Variants in THBS2 observed in about 807,000 individuals in gnomAD.
THBS2 encodes the protein thrombospondin-2.
In THBS2, 47 loss-of-function variants were observed where a neutral mutation model predicts 135.2. The observed-to-expected ratio is 0.35, with a 90% CI of 0.28 to 0.44. The LOEUF is 0.44. Ranked by LOEUF, THBS2 falls within the 20% of genes least tolerant of loss-of-function variation. The probability of loss-of-function intolerance (pLI) is 1.00; values close to 1 mark genes in which losing one functional copy is unlikely to be tolerated. For missense variants in THBS2, 1,288 were observed against 1,603.1 expected, an observed-to-expected ratio of 0.80 and a Z score of 3.36; for synonymous variants, 639 against 633.8, an observed-to-expected ratio of 1.01 and a Z score of -0.12.
At position 169,230,118 on chromosome 6, in the gene THBS2, C is replaced by T. The variant is rs79650544; in HGVS notation, c.2152-439G>A. On this transcript the variant is annotated intron_variant, in intron 13 of 21. Coordinates refer to ENST00000617924, the MANE Select transcript of THBS2 (RefSeq NM_003247.5). The stretch of plus-strand genomic sequence containing the variant: ...GTCAAAAAATCTCAAAGAAAAGAGT[C>T]TTTCAAATATGTATGTGATATGTTC... Among the ~76,000 whole-genome samples the T allele has an allele frequency of 1.5e-3, 228 of 152,298 alleles. 6 individuals carry two copies. The East Asian group carries it at 0.041, about 27-fold the overall frequency.
In THBS2 at chr6:169,217,160, A is replaced by G. The variant is rs536590357; in HGVS notation, c.*662T>C. Reference sequence around the variant, plus strand: ...TGATGAAACTGCATCTCTACTGCACATGAGGGCTTTCATTGTAGGACAAGA... The same window carrying G: ...TGATGAAACTGCATCTCTACTGCACGTGAGGGCTTTCATTGTAGGACAAGA... On this transcript the variant is annotated 3_prime_UTR_variant, in exon 22 of 22. Coordinates refer to ENST00000617924, the MANE Select transcript of THBS2 (RefSeq NM_003247.5). 1 of 152,404 alleles carries G rather than the reference A, an allele frequency of 6.6e-6. No homozygotes were observed. Among genetic ancestry groups the G allele is most frequent in the African/African-American group, 2.4e-5 (1 of 41,590 alleles). 9.4% of individuals were successfully genotyped at this position (152,404 alleles called of 1,614,324 possible). A position where few individuals can be genotyped will look rare whatever the true frequency, so the allele number is the denominator to read the frequency against.
At position 169,241,900 on chromosome 6, in the gene THBS2, G is replaced by A. The variant is rs1271369219; in HGVS notation, c.753C>T (p.Thr251=). The change falls in exon 5 of 22, where the codon ACC becomes ACT. Residue 251 remains threonine, a synonymous_variant. Coordinates refer to ENST00000617924, the MANE Select transcript of THBS2 (RefSeq NM_003247.5). This position sits in a 1 kb window ranked among gnomAD's most constrained non-coding sequence, Gnocchi z 5.5. ...TETLRLGPHV[T]TEYVGPSSER... ...CCGAGCTGGGGCCCACGTACTCGGTGGTGACATGCGGACCCAGGCGCAGCG... is the reference window on the plus strand; with the variant it reads ...CCGAGCTGGGGCCCACGTACTCGGTAGTGACATGCGGACCCAGGCGCAGCG... 1.2e-6 allele frequency: 2 copies of A among 1,611,968 alleles called. No homozygotes were observed. The highest frequency in any genetic ancestry group is 1.7e-6 in the Non-Finnish European group (2 of 1,179,946).
intron 1 of THBS2, 54 bp from the exon 2 acceptor site, chr6:169,250,860 T>C (rs1583423682): frequency 5.3e-6 from 7 of 1,330,418 alleles, no homozygotes; most frequent in Middle Eastern, 3.7e-4. Context: ...CAACCCTGCC[T>C]GTGAGCGAGA....
intron 3 of THBS2, among the ~76,000 whole-genome samples, chr6:169,246,555 T>G (rs1447722812): frequency 1.3e-5 from 2 of 152,374 alleles, no homozygotes; most frequent in African/African-American, 4.8e-5. Flanking sequence ...GAGATGGCCC[T>G]TGGAGAGGTG....
At chr6:169,230,347 A>G (rs1583409549) in intron 13 of THBS2, among the ~76,000 whole-genome samples, 2 of 152,208 alleles carry the variant, frequency 1.3e-5, no homozygotes, top group East Asian at 3.9e-4. Flanking sequence ...CAGTTTCAGT[A>G]CAAGAGCCCC....
rs915210676 is a variant in THBS2 at position 169,241,675 on chromosome 6, C to T, written c.891+87G>A. ...ACATCGAGCATGAGGCACTGCCAAG[C>T]CAGGGAATGTTGATACCTGCTGAGA... On this transcript the variant is annotated intron_variant, in intron 5 of 21. Coordinates refer to ENST00000617924, the MANE Select transcript of THBS2 (RefSeq NM_003247.5). The surrounding 1 kb of genome is among the most constrained non-coding windows in gnomAD (Gnocchi z 5.5). 2.2e-6 allele frequency: 3 copies of T among 1,390,648 alleles called. No homozygotes were observed. The highest frequency in any genetic ancestry group is 1.4e-5 in the South Asian group (1 of 72,868). The allele number at this position is 1,390,648 out of a possible 1,614,324, so 86.1% of individuals were successfully genotyped here.
chr6:169,241,733 AC>A lies in THBS2; in HGVS notation c.891+28del, dbSNP rs1780305075. On this transcript the variant is annotated intron_variant, in intron 5 of 21. Transcript: ENST00000617924. The surrounding 1 kb of genome is among the most constrained non-coding windows in gnomAD (Gnocchi z 5.5). The stretch of plus-strand genomic sequence containing the variant: ...GCGGCGGAGCTGCCCATGCCCTATG[AC>A]CCCCGCGGCCCCTGCGTGAGTACCC... 1 of 1,569,298 alleles carries A rather than the reference AC, an allele frequency of 6.4e-7. No individual in the cohort carries two copies. Among genetic ancestry groups the A allele is most frequent in the East Asian group, 2.3e-5 (1 of 44,052 alleles).
In THBS2 at chr6:169,242,614, ACCGCTC is replaced by A. The variant is rs1780357455; in HGVS notation, c.695-662_695-657del. ...CACCTTCCCACATTCCCACCTTCCC[ACCGCTC>A]CCACCTTCCCACCACTCCCACCTTC... is the stretch of plus-strand genomic sequence containing the variant. On this transcript the variant is annotated intron_variant, in intron 4 of 21. Transcript: ENST00000617924. Among the ~76,000 whole-genome samples the A allele has an allele frequency of 3.9e-4, 12 of 30,676 alleles. 1 individual carries two copies. Among genetic ancestry groups the A allele is most frequent in the African/African-American group, 5.5e-4 (4 of 7,308 alleles). The allele number at this position is 30,676 out of a possible 152,430, so 20.1% of individuals were successfully genotyped here.
chr6:169,237,451 G>A, intron 8 of THBS2, 105 bp from the exon 9 acceptor site: 6 of 1,507,520 alleles, frequency 4.0e-6, no homozygotes, highest in Non-Finnish European at 3.6e-6. Flanking sequence ...CTGCTGAGGA[G>A]AGGGAAGGAG....
chr6:169,228,547 T>C lies in THBS2; in HGVS notation c.2260-266A>G, dbSNP rs1779720815. Among the ~76,000 whole-genome samples, 4 of 151,258 alleles carry C rather than the reference T, an allele frequency of 2.6e-5. No homozygotes were observed. In the South Asian group the frequency reaches 8.4e-4, roughly 32 times the overall value. ...CTTTAATCCCAGCACTATGGGAGGCTGAGGCGGGCGGATCACCTGAGGTCA... is the reference window on the plus strand; with the variant it reads ...CTTTAATCCCAGCACTATGGGAGGCCGAGGCGGGCGGATCACCTGAGGTCA... On this transcript the variant is annotated intron_variant, in intron 14 of 21. Coordinates refer to ENST00000617924, the MANE Select transcript of THBS2 (RefSeq NM_003247.5).
intron 3 of THBS2, among the ~76,000 whole-genome samples, chr6:169,246,983 C>T (rs898174245): frequency 3.3e-5 from 5 of 152,172 alleles, no homozygotes; most frequent in Admixed American, 3.3e-4. Context: ...TGAAACCATT[C>T]CCTCATAAAT....
intron 16 of THBS2, 45 bp from the exon 17 acceptor site, chr6:169,225,424 G>A (rs1255086326): frequency 2.0e-6 from 3 of 1,530,508 alleles, no homozygotes; most frequent in African/African-American, 2.8e-5. Flanking sequence ...CTGCCAGTTT[G>A]AGGAGGTGGA....
chr6:169,232,719 T>C lies in THBS2; in HGVS notation c.1877A>G (p.Tyr626Cys). ...GACCCCGACGGGCTGGTTCCCTCTG[T>C]ATCGGGGCGGGCAGGGCAGGCAGTG... Reference protein sequence around the residue: ...GFHCLPCPPRYRGNQPVGVGL... With the variant: ...GFHCLPCPPRCRGNQPVGVGL... The change falls in exon 12 of 22, where the codon TAC becomes TGC. Residue 626 changes from tyrosine to cysteine, a missense_variant. This residue lies in a region of THBS2 where 874 missense variants were observed against 1,156.1 expected (regional missense o/e 0.76). Coordinates refer to ENST00000617924, the MANE Select transcript of THBS2 (RefSeq NM_003247.5). 6.2e-7 allele frequency: 1 copy of C among 1,613,924 alleles called. No individual in the cohort carries two copies.
At chr6:169,245,583 G>A (rs1780515853) in intron 4 of THBS2, among the ~76,000 whole-genome samples, 1 of 152,072 alleles carries the variant, frequency 6.6e-6, no homozygotes, top group Non-Finnish European at 1.5e-5. Context: ...ACGAGGTCAG[G>A]AGATCGAGAC....
chr6:169,240,678 CCTT>C (rs1379006309), intron 5 of THBS2, 86 bp from the exon 6 acceptor site: 2 of 1,499,112 alleles, frequency 1.3e-6, no homozygotes, highest in East Asian at 2.4e-5. Context: ...CAAAGTTCCT[CCTT>C]CATTAAAAAG....
chr6:169,226,166 G>A lies in THBS2; in HGVS notation c.2538+14C>T, dbSNP rs1252295517. On this transcript the variant is annotated intron_variant, in intron 16 of 21. Transcript: ENST00000617924. ...TGAGGACCTCCAACCCCGCCTGTCTGCGGCTGCCCTCACCTGGTCAGGGTT... is the reference window on the plus strand; with the variant it reads ...TGAGGACCTCCAACCCCGCCTGTCTACGGCTGCCCTCACCTGGTCAGGGTT... The A allele has an allele frequency of 6.3e-7, 1 of 1,599,362 alleles. No individual in the cohort carries two copies. Among genetic ancestry groups the A allele is most frequent in the Non-Finnish European group, 8.6e-7 (1 of 1,169,222 alleles).
rs138557674 is a variant in THBS2 at position 169,220,127 on chromosome 6, C to T, written c.3511+71G>A. The T allele has an allele frequency of 3.5e-3, 5,461 of 1,545,702 alleles. 260 individuals carry two copies. In the Admixed American group the frequency reaches 0.085, roughly 24 times the overall value. Reference sequence around the variant, plus strand: ...TGTACAGCTTTTGTAAGTGGAAGAGCGCACTGTGTACCCCTTTCCCTTTCT... The same window carrying T: ...TGTACAGCTTTTGTAAGTGGAAGAGTGCACTGTGTACCCCTTTCCCTTTCT... On this transcript the variant is annotated intron_variant, in intron 21 of 21. Coordinates refer to ENST00000617924, the MANE Select transcript of THBS2 (RefSeq NM_003247.5).
intron 4 of THBS2, among the ~76,000 whole-genome samples, chr6:169,245,628 TA>T (rs1302156166): frequency 3.3e-5 from 5 of 151,804 alleles, no homozygotes; most frequent in Admixed American, 2.0e-4. Flanking sequence ...CCATCTCTAC[TA>T]AAAATACAAA....
rs1331602403 is a variant in THBS2, at chr6:169,240,486, C to T, written c.998G>A (p.Trp333Ter). 6.2e-7 allele frequency: 1 copy of T among 1,613,872 alleles called. No homozygotes were observed. Among genetic ancestry groups the T allele is most frequent in the South Asian group, 1.1e-5 (1 of 91,072 alleles). The change falls in exon 6 of 22, where the codon TGG (tryptophan) becomes TAG (stop). Residue 333 changes from tryptophan to a stop codon, truncating the protein, a stop_gained. Transcript: ENST00000617924. LOFTEE classifies it high-confidence loss of function. ...ACACGTGGTGCAGCTGTCCACCACC[C>T]ACGTTTCATTTTCCGCAAAGAACCG... is the stretch of plus-strand genomic sequence containing the variant. ...DGRFFAENET[W>*]VVDSCTTCTC...
Sources: gnomAD v4.1 joint callset for allele counts (sites outside exome capture counted in the v4.1 genomes callset) on GRCh38, gnomAD v4.1.1 for gene constraint, gnomAD v4.1.1 regional missense constraint, Gnocchi (gnomAD v3.1) non-coding constraint, MANE v1.5 for transcripts, NCBI Gene and HGNC (gene_info 2026-07-23, HGNC 2026-07-21) for gene names.